The following EVC variants were observed in gnomAD, a reference collection of about 807,000 sequenced individuals.
EVC encodes evC complex member EVC.
A neutral mutation model predicts 118.9 loss-of-function variants in EVC; 116 were observed. The observed-to-expected ratio is 0.98, with a 90% CI of 0.84 to 1.14. The LOEUF (loss-of-function observed/expected upper bound fraction) is 1.14, where lower values mean the gene tolerates loss of function less well. Ranked by LOEUF, EVC falls within the 50% of genes most tolerant of loss-of-function variation. The pLI is 0.00. For missense variants in EVC, 1,401 were observed against 1,246.4 expected (o/e 1.12, Z -1.87); for synonymous variants, 619 against 534.7 (o/e 1.16, Z -2.18).
intron 15 of EVC, 135 bp from the exon 16 acceptor site, chr4:5,801,815 G>A: frequency 1.1e-6 from 1 of 946,156 alleles, no homozygotes. Flanking sequence ...CTCTCTGCCT[G>A]CTTCCTGACC....
intron 12 of EVC, among the ~76,000 whole-genome samples, chr4:5,790,276 G>A (rs1448756071): frequency 6.6e-6 from 1 of 151,758 alleles, no homozygotes; most frequent in African/African-American, 2.4e-5. Flanking sequence ...CTCCTTACAA[G>A]AGGAATCAGA....
intron 11 of EVC, among the ~76,000 whole-genome samples, chr4:5,759,232 A>C (rs1235730986): frequency 6.6e-6 from 1 of 151,278 alleles, no homozygotes; most frequent in Non-Finnish European, 1.5e-5. Context: ...ATCAAAGTGC[A>C]CCTGCCGACT....
intron 4 of EVC, 35 bp from the exon 5 acceptor site, chr4:5,733,316 T>C: frequency 6.4e-7 from 1 of 1,572,196 alleles, no homozygotes; most frequent in Non-Finnish European, 8.8e-7. Context: ...TCCGATACCC[T>C]GAAAGTCTTT....
chr4:5,806,420 G>A (rs1368272607), intron 17 of EVC, among the ~76,000 whole-genome samples: 1 of 151,966 alleles, frequency 6.6e-6, no homozygotes, highest in Non-Finnish European at 1.5e-5. Flanking sequence ...ACATTATTGA[G>A]CTCCCACTCA....
At position 5,765,208 on chromosome 4, in the gene EVC, C is replaced by T. The variant is rs201558175; in HGVS notation, c.1563+8846C>T. Among the ~76,000 whole-genome samples the T allele has an allele frequency of 2.1e-4, 25 of 117,120 alleles. 9 individuals are homozygous for T. Among genetic ancestry groups the T allele is most frequent in the Non-Finnish European group, 4.2e-4 (23 of 54,234 alleles). The allele number at this position is 117,120 out of a possible 152,430, so 76.8% of individuals were successfully genotyped here. On this transcript the variant is annotated intron_variant, in intron 11 of 20. Coordinates refer to ENST00000264956, the MANE Select transcript of EVC (RefSeq NM_153717.3). ...GTTGTTCAGTTTCCATGTAGTTGAG[C>T]GGTTTTGAGTGAGACTCTTAATCCT...
At chr4:5,776,108 A>T (rs1734685660) in intron 11 of EVC, among the ~76,000 whole-genome samples, 1 of 152,082 alleles carries the variant, frequency 6.6e-6, no homozygotes, top group African/African-American at 2.4e-5. Context: ...TAAATTTTGT[A>T]AAATGCTTTT....
At chr4:5,747,436 G>A (rs61101670) in intron 7 of EVC, among the ~76,000 whole-genome samples, 22,082 of 152,110 alleles carry the variant, frequency 0.15, 1,926 homozygotes, top group East Asian at 0.43. Context: ...TAACTCCCCC[G>A]AGCCTGTTCC....
chr4:5,725,938 T>C (rs977615804), intron 2 of EVC, among the ~76,000 whole-genome samples: 1 of 152,184 alleles, frequency 6.6e-6, no homozygotes, highest in African/African-American at 2.4e-5. Context: ...CCAAGTCTTT[T>C]TGTGAGTTGT....
At chr4:5,802,256 T>C (rs1480997720) in intron 16 of EVC, among the ~76,000 whole-genome samples, 162 bp downstream of exon 16, 1 of 152,228 alleles carries the variant, frequency 6.6e-6, no homozygotes, top group Non-Finnish European at 1.5e-5. Context: ...AAAAGCCTTT[T>C]TCAAAAGGCA....
At chr4:5,760,693 C>T (rs1435164169) in intron 11 of EVC, among the ~76,000 whole-genome samples, 3 of 152,176 alleles carry the variant, frequency 2.0e-5, no homozygotes, top group Non-Finnish European at 4.4e-5. Flanking sequence ...GCTGGAATTA[C>T]AGGCATGTGC....
chr4:5,759,565 C>T (rs556546888), intron 11 of EVC, among the ~76,000 whole-genome samples: 236 of 152,288 alleles, frequency 1.5e-3, no homozygotes, highest in Non-Finnish European at 2.4e-3. Context: ...TTATTGGATT[C>T]TCACCCATCC....
chr4:5,783,469 G>GTA (rs1385926338), intron 11 of EVC, 83 bp from the exon 12 acceptor site: 5 of 1,336,020 alleles, frequency 3.7e-6, no homozygotes, highest in Non-Finnish European at 5.4e-6. Flanking sequence ...TGGGAGGCTT[G>GTA]TGGAGGAGAG....
downstream of EVC, among the ~76,000 whole-genome samples, chr4:5,814,487 C>T (rs1717374864): frequency 6.6e-6 from 1 of 152,170 alleles, no homozygotes; most frequent in Non-Finnish European, 1.5e-5. Context: ...GAAGCCTCTC[C>T]TGCCCCTGCC....
chr4:5,754,029 T>C lies in EVC; in HGVS notation c.1464+96T>C. ...GGACGCCGGAGGTATTCATCAGGCA[T>C]GAGGTTATCTGCCTACTTCCCATGT... On this transcript the variant is annotated intron_variant, in intron 10 of 20. Coordinates refer to ENST00000264956, the MANE Select transcript of EVC (RefSeq NM_153717.3). The surrounding 1 kb of genome is among the most constrained non-coding windows in gnomAD (Gnocchi z 5.8). 1 of 1,466,702 alleles carries C rather than the reference T, an allele frequency of 6.8e-7. No homozygotes were observed. Among genetic ancestry groups the C allele is most frequent in the Non-Finnish European group, 9.5e-7 (1 of 1,053,210 alleles). The allele number at this position is 1,466,702 out of a possible 1,614,324, so 90.9% of individuals were successfully genotyped here.
At chr4:5,777,617 A>C (rs1206762787) in intron 11 of EVC, among the ~76,000 whole-genome samples, 1 of 152,140 alleles carries the variant, frequency 6.6e-6, no homozygotes, top group Non-Finnish European at 1.5e-5. Context: ...TTTAATAATT[A>C]TTTTGTCCAC....
At chr4:5,770,919 A>G (rs1418765452) in intron 11 of EVC, among the ~76,000 whole-genome samples, 1 of 152,036 alleles carries the variant, frequency 6.6e-6, no homozygotes, top group East Asian at 1.9e-4. Context: ...AGGCTGAGGC[A>G]GGAGAATTGT....
chr4:5,760,384 C>G (rs1731821537), intron 11 of EVC, among the ~76,000 whole-genome samples: 1 of 151,976 alleles, frequency 6.6e-6, no homozygotes, highest in Non-Finnish European at 1.5e-5. Context: ...AAAGTGAAGA[C>G]AGCCTTTTAA....
rs1727817228 is a variant in EVC, at chr4:5,737,126, G to A, written c.702+3691G>A. Among the ~76,000 whole-genome samples, 1 of 152,232 alleles carries A rather than the reference G, an allele frequency of 6.6e-6. No homozygotes were observed. The highest frequency in any genetic ancestry group is 2.4e-5 in the African/African-American group (1 of 41,472). On this transcript the variant is annotated intron_variant, in intron 5 of 20. Transcript: ENST00000264956. The surrounding 1 kb of genome is among the most constrained non-coding windows in gnomAD (Gnocchi z 5.0). ...TATTGCTGATATGGAGAAAGTCTGA[G>A]TGGTCTGCATAGAAGATCAAACCAG...
At chr4:5,718,350 C>G (rs1401645834) in intron 1 of EVC, among the ~76,000 whole-genome samples, 1 of 152,008 alleles carries the variant, frequency 6.6e-6, no homozygotes, top group Non-Finnish European at 1.5e-5. Flanking sequence ...ATTGGACTCA[C>G]AGACATCAGC....
Sources: allele counts gnomAD v4.1 joint callset (sites outside exome capture counted in the v4.1 genomes callset), GRCh38; gene constraint gnomAD v4.1.1; non-coding constraint Gnocchi (gnomAD v3.1); transcripts MANE v1.5; gene names NCBI Gene and HGNC (gene_info 2026-07-23, HGNC 2026-07-21).